GPC6: variants seen among roughly 807,000 people sequenced by gnomAD.
GPC6 encodes glypican-6.
A neutral mutation model predicts 55.2 loss-of-function variants in GPC6; 14 were observed. The ratio of observed to expected loss-of-function variants is 0.25; its 90% CI spans 0.17 to 0.40. The LOEUF (loss-of-function observed/expected upper bound fraction) is 0.40. Among genes scored for constraint, GPC6 ranks in the 10% least tolerant of loss-of-function variants. GPC6 has a pLI of 1.00. For missense variants in GPC6, 641 were observed against 708.5 expected (o/e 0.90, Z 1.08); for synonymous variants, 278 against 259.6 (o/e 1.07, Z -0.68).
intron 1 of GPC6, among the ~76,000 whole-genome samples, chr13:93,379,834 A>G (rs1019191205): frequency 7.2e-5 from 11 of 152,216 alleles, no homozygotes; most frequent in East Asian, 1.9e-4. Flanking sequence ...AAAAATTGGT[A>G]TATGGTCAAT....
intron 4 of GPC6, among the ~76,000 whole-genome samples, chr13:94,040,639 A>G (rs1883497795): frequency 6.6e-6 from 1 of 151,882 alleles, no homozygotes; most frequent in South Asian, 2.1e-4. Context: ...AGTGAGAGGA[A>G]AGGTCAAGCC....
intron 1 of GPC6, among the ~76,000 whole-genome samples, chr13:93,543,144 G>T (rs902748314): frequency 2.0e-5 from 3 of 152,038 alleles, no homozygotes; most frequent in Non-Finnish European, 4.4e-5. Context: ...CATTCCATAT[G>T]ATATTGGCTG....
chr13:93,574,699 A>G (rs1292754834), intron 2 of GPC6, among the ~76,000 whole-genome samples: 3 of 152,150 alleles, frequency 2.0e-5, no homozygotes, highest in Non-Finnish European at 4.4e-5. Context: ...CCCCCCAAAA[A>G]TCTTTCAGGT....
At chr13:93,577,775 C>T (rs1291460210) in intron 2 of GPC6, among the ~76,000 whole-genome samples, 1 of 151,956 alleles carries the variant, frequency 6.6e-6, no homozygotes, top group East Asian at 1.9e-4. Context: ...AAGTGGACAT[C>T]CTTGTCTTGT....
At chr13:93,546,913 T>C (rs1225614531) in intron 2 of GPC6, among the ~76,000 whole-genome samples, 3 of 152,208 alleles carry the variant, frequency 2.0e-5, no homozygotes, top group African/African-American at 7.2e-5. Context: ...TACTCCAAAG[T>C]GATTTTAAAA....
chr13:93,631,506 T>C (rs1879428504), intron 2 of GPC6, among the ~76,000 whole-genome samples: 1 of 152,224 alleles, frequency 6.6e-6, no homozygotes, highest in African/African-American at 2.4e-5. Flanking sequence ...GACTCTGTGA[T>C]ACTACTTTTT....
rs114701845 is a variant in GPC6, at chr13:93,974,982, T to C, written c.712-52747T>C. Among the ~76,000 whole-genome samples the C allele has an allele frequency of 3.6e-3, 553 of 152,240 alleles. 5 individuals carry two copies. The highest frequency in any genetic ancestry group is 0.013 in the African/African-American group (537 of 41,548). Reference sequence around the variant, plus strand: ...AGCCAGGCATGTCCAGTTCTCTAACTTGGAAGCTCATGCTCTTACCTACAA... The same window carrying C: ...AGCCAGGCATGTCCAGTTCTCTAACCTGGAAGCTCATGCTCTTACCTACAA... On this transcript the variant is annotated intron_variant, in intron 3 of 8. Transcript: ENST00000377047.
chr13:93,632,523 C>T (rs564216230), intron 2 of GPC6, among the ~76,000 whole-genome samples: 1 of 108,272 alleles, frequency 9.2e-6, no homozygotes, highest in African/African-American at 2.9e-5. Flanking sequence ...GTGGGAGGAT[C>T]ACCTGAGCCT....
At chr13:93,334,591 C>A (rs910504774) in intron 1 of GPC6, among the ~76,000 whole-genome samples, 3 of 152,192 alleles carry the variant, frequency 2.0e-5, no homozygotes, top group African/African-American at 7.2e-5. Context: ...CTCAGCCTAC[C>A]AAGTAGTTGG....
intron 4 of GPC6, among the ~76,000 whole-genome samples, chr13:94,238,985 T>G (rs1186271116): frequency 6.6e-6 from 1 of 152,160 alleles, no homozygotes; most frequent in Non-Finnish European, 1.5e-5. Flanking sequence ...ATGCTATAGT[T>G]TAGCCTATGT....
intron 3 of GPC6, among the ~76,000 whole-genome samples, chr13:93,897,793 G>A (rs1267487212): frequency 6.6e-6 from 1 of 152,050 alleles, no homozygotes; most frequent in African/African-American, 2.4e-5. Flanking sequence ...ACTATATGTG[G>A]TACATAAGTG....
intron 2 of GPC6, among the ~76,000 whole-genome samples, chr13:93,735,515 C>T (rs543496667): frequency 1.5e-5 from 2 of 137,750 alleles, no homozygotes; most frequent in South Asian, 4.4e-4. Context: ...AGCAAGACTC[C>T]ATCTCAAAAA....
At chr13:93,224,712 G>A (rs1264581734), upstream of GPC6, among the ~76,000 whole-genome samples, 1 of 152,084 alleles carries the variant, frequency 6.6e-6, no homozygotes, top group East Asian at 1.9e-4. Flanking sequence ...TCCTGCTGTG[G>A]CTCTCAGTGT....
At position 93,838,395 on chromosome 13, in the gene GPC6, G is replaced by A. The variant is rs183524706; in HGVS notation, c.711+7850G>A. Reference sequence around the variant, plus strand: ...AAAGAATGAATAGCATCTCACAGAGGGAAAAAAGAGGTATGGCTTTCTTGC... The same window carrying A: ...AAAGAATGAATAGCATCTCACAGAGAGAAAAAAGAGGTATGGCTTTCTTGC... On this transcript the variant is annotated intron_variant, in intron 3 of 8. Coordinates refer to ENST00000377047, the MANE Select transcript of GPC6 (RefSeq NM_005708.5). 2.3e-3 allele frequency among the ~76,000 whole-genome samples: 349 copies of A among 152,202 alleles called. 2 individuals are homozygous for A. The highest frequency in any genetic ancestry group is 8.2e-3 in the African/African-American group (341 of 41,544).
At chr13:94,071,810 A>G (rs1360429498) in intron 4 of GPC6, among the ~76,000 whole-genome samples, 4 of 152,230 alleles carry the variant, frequency 2.6e-5, no homozygotes, top group Admixed American at 6.5e-5. Context: ...CCACAATAAA[A>G]AGTTACAAAT....
intron 1 of GPC6, 101 bp from the exon 2 acceptor site, chr13:93,545,162 C>T (rs1320663861): frequency 2.0e-6 from 2 of 984,986 alleles, no homozygotes; most frequent in Middle Eastern, 2.1e-4. Context: ...GTAGATGGAA[C>T]AAGCACCCTG....
At chr13:93,925,246 T>A (rs1877793886) in intron 3 of GPC6, among the ~76,000 whole-genome samples, 1 of 152,100 alleles carries the variant, frequency 6.6e-6, no homozygotes, top group Non-Finnish European at 1.5e-5. Context: ...CAAATAGAGG[T>A]CAGAGGTCTC....
intron 3 of GPC6, among the ~76,000 whole-genome samples, chr13:94,006,924 G>A (rs1476447786): frequency 6.6e-6 from 1 of 152,134 alleles, no homozygotes; most frequent in African/African-American, 2.4e-5. Context: ...ATGTTGGCAT[G>A]AGAAATTTTC....
intron 2 of GPC6, among the ~76,000 whole-genome samples, chr13:93,547,552 G>A (rs1368999904): frequency 6.6e-6 from 1 of 152,146 alleles, no homozygotes; most frequent in East Asian, 1.9e-4. Context: ...GTTCTAATGT[G>A]CCTAAGGGTA....
Sources: allele counts gnomAD v4.1 joint callset (sites outside exome capture counted in the v4.1 genomes callset), GRCh38; gene constraint gnomAD v4.1.1; transcripts MANE v1.5; gene names NCBI Gene and HGNC (gene_info 2026-07-23, HGNC 2026-07-21).